The following SRPK1 variants were observed in gnomAD, a reference collection of about 807,000 sequenced individuals.
The protein encoded by SRPK1 is SFRS protein kinase 1.
Under a neutral mutation model 89.5 loss-of-function variants are expected in SRPK1, and 52 were observed. The ratio of observed to expected loss-of-function variants is 0.58; its 90% CI spans 0.46 to 0.73. The LOEUF is 0.73. Among genes scored for constraint, SRPK1 ranks in the 30% least tolerant of loss-of-function variants. The pLI is 0.00. For missense variants in SRPK1, 603 were observed against 780.6 expected (o/e 0.77, Z 2.71); for synonymous variants, 255 against 270.2 (o/e 0.94, Z 0.55).
chr6:35,869,826 C>T lies in SRPK1; in HGVS notation c.1067G>A (p.Cys356Tyr), dbSNP rs1326795786. 6.2e-7 allele frequency: 1 copy of T among 1,611,864 alleles called. No homozygotes were observed. The highest frequency in any genetic ancestry group is 1.7e-5 in the Admixed American group (1 of 59,720). ...ATTAATGACTTCAATCACTCCATTG[C>T]AATTAATTTCTGCTGCACCACCCTC... is the stretch of plus-strand genomic sequence containing the variant. ...DTEGGAAEIN[C>Y]NGVIEVINYT... The change falls in exon 11 of 16, where the codon TGC becomes TAC. Residue 356 changes from cysteine (C) to tyrosine (Y), a missense_variant. Coordinates refer to ENST00000373825, the MANE Select transcript of SRPK1 (RefSeq NM_003137.5).
chr6:35,842,098 C>T (rs1410432258), intron 14 of SRPK1, among the ~76,000 whole-genome samples: 1 of 152,036 alleles, frequency 6.6e-6, no homozygotes, highest in South Asian at 2.1e-4. Flanking sequence ...AAAAAGAATG[C>T]TAAATTTTGG....
At position 35,894,288 on chromosome 6, in the gene SRPK1, G is replaced by A. The variant is rs190877085; in HGVS notation, c.75-3275C>T. On this transcript the variant is annotated intron_variant, in intron 2 of 15. Coordinates refer to ENST00000373825, the MANE Select transcript of SRPK1 (RefSeq NM_003137.5). Reference sequence around the variant, plus strand: ...TGCCGATTTCCATACAGACTATGATGCTCTAGTCTAAAAGATGAGTAAAGT... The same window carrying A: ...TGCCGATTTCCATACAGACTATGATACTCTAGTCTAAAAGATGAGTAAAGT... 2.2e-3 allele frequency among the ~76,000 whole-genome samples: 329 copies of A among 152,258 alleles called. 1 individual carries two copies. The highest frequency in any genetic ancestry group is 7.4e-3 in the African/African-American group (307 of 41,542).
intron 6 of SRPK1, among the ~76,000 whole-genome samples, chr6:35,875,257 T>G (rs6906455): frequency 0.31 from 46,531 of 149,282 alleles, 7,321 homozygotes; most frequent in South Asian, 0.42. Context: ...GAGACTTCTT[T>G]TTTTTTTTTT....
At chr6:35,896,364 G>C (rs1056931473) in intron 2 of SRPK1, among the ~76,000 whole-genome samples, 1 of 152,174 alleles carries the variant, frequency 6.6e-6, no homozygotes, top group African/African-American at 2.4e-5. Flanking sequence ...TGTGGTGTGA[G>C]AGCAGACAAC....
At chr6:35,907,001 A>C (rs1318858921) in intron 2 of SRPK1, among the ~76,000 whole-genome samples, 1 of 152,212 alleles carries the variant, frequency 6.6e-6, no homozygotes, top group Non-Finnish European at 1.5e-5. Flanking sequence ...ACAATTAATA[A>C]ATTAAGAAAT....
chr6:35,869,495 T>C lies in SRPK1; in HGVS notation c.1398A>G (p.Pro466=). 7 of 1,613,230 alleles carry C rather than the reference T, an allele frequency of 4.3e-6. No individual in the cohort carries two copies. The highest frequency in any genetic ancestry group is 5.9e-6 in the Non-Finnish European group (7 of 1,179,230). The change falls in exon 11 of 16, where the codon CCA becomes CCG. Residue 466 remains proline, a synonymous_variant. Coordinates refer to ENST00000373825, the MANE Select transcript of SRPK1 (RefSeq NM_003137.5). The part of the protein sequence containing the change: ...EDEQEQEHNG[P]LDNKGKSTAG... ...CTGCATAGGTACCTTTGTTGTCCAG[T>C]GGTCCGTTATGTTCTTGCTCTTGTT...
chr6:35,915,917 A>C (rs1000303821), intron 2 of SRPK1, among the ~76,000 whole-genome samples: 1 of 148,212 alleles, frequency 6.7e-6, no homozygotes, highest in African/African-American at 2.5e-5. Context: ...GGTTGCAGAG[A>C]GCCGAGATTG....
At chr6:35,904,937 T>G (rs1265566171) in intron 2 of SRPK1, 3 of 428,200 alleles carry the variant, frequency 7.0e-6, no homozygotes, top group Non-Finnish European at 1.4e-5. Context: ...AGGCCAGGAG[T>G]TCAAGACCAG....
chr6:35,855,314 C>A lies in SRPK1; in HGVS notation c.1620+1947G>T, dbSNP rs546327475. ...AAGACTCCATCTCAGAAAAAAAAAA[C>A]AAACAAAAACCCAATAATATGCCAC... On this transcript the variant is annotated intron_variant, in intron 13 of 15. Transcript: ENST00000373825. 7.9e-3 allele frequency among the ~76,000 whole-genome samples: 1,192 copies of A among 151,184 alleles called. 10 individuals carry two copies. The highest frequency in any genetic ancestry group is 0.013 in the Non-Finnish European group (871 of 67,680).
chr6:35,855,664 A>G (rs1472995877), intron 13 of SRPK1, among the ~76,000 whole-genome samples: 1 of 152,150 alleles, frequency 6.6e-6, no homozygotes, highest in African/African-American at 2.4e-5. Context: ...TCCAAGTGCT[A>G]GGTGTCTTTA....
intron 2 of SRPK1, among the ~76,000 whole-genome samples, chr6:35,919,325 T>C (rs1234276119): frequency 2.6e-5 from 4 of 152,158 alleles, no homozygotes; most frequent in African/African-American, 9.7e-5. Flanking sequence ...AGTCATTATG[T>C]GCTCTCCCCA....
intron 6 of SRPK1, among the ~76,000 whole-genome samples, chr6:35,882,088 GTAGTAGTAGTAGCAA>G (rs1171927633): frequency 4.1e-5 from 6 of 147,608 alleles, no homozygotes; most frequent in Non-Finnish European, 7.5e-5. Context: ...AGTAGTAGCA[GTAGTAGTAGTAGCAA>G]TAGTAGTAGT....
intron 2 of SRPK1, among the ~76,000 whole-genome samples, chr6:35,907,759 T>C (rs1168177100): frequency 6.6e-6 from 1 of 152,020 alleles, no homozygotes; most frequent in East Asian, 1.9e-4. Flanking sequence ...AACACATGAA[T>C]AACAAGAAAG....
intron 7 of SRPK1, 79 bp from the exon 8 acceptor site, chr6:35,872,807 T>TAG: frequency 1.0e-6 from 1 of 993,304 alleles, no homozygotes; most frequent in African/African-American, 1.8e-5. Flanking sequence ...AACATGACAT[T>TAG]AAAAAAAAAA....
chr6:35,908,636 T>C (rs564799381), intron 2 of SRPK1, among the ~76,000 whole-genome samples: 1 of 152,260 alleles, frequency 6.6e-6, no homozygotes, highest in East Asian at 1.9e-4. Flanking sequence ...AAACAAAGAA[T>C]AAAAGTTTGG....
intron 2 of SRPK1, among the ~76,000 whole-genome samples, chr6:35,900,638 C>G (rs986743993): frequency 1.3e-5 from 2 of 152,122 alleles, no homozygotes; most frequent in African/African-American, 4.8e-5. Flanking sequence ...CAATGTCAGG[C>G]TATGAAGAGA....
intron 6 of SRPK1, among the ~76,000 whole-genome samples, chr6:35,880,738 A>AAAAAAAAAAAAAAAAG (rs1554152646): frequency 5.3e-5 from 1 of 18,816 alleles, no homozygotes; most frequent in Non-Finnish European, 8.4e-5. Flanking sequence ...AAAAAAAGAA[A>AAAAAAAAAAAAAAAAG]AAAAAAAAAA....
chr6:35,892,687 A>AACAACG (rs1463077189), intron 2 of SRPK1, among the ~76,000 whole-genome samples: 2 of 126,520 alleles, frequency 1.6e-5, no homozygotes, highest in African/African-American at 3.4e-5. Context: ...CAACAACAAC[A>AACAACG]ACGACAACAA....
chr6:35,840,103 G>A (rs907463422), intron 14 of SRPK1, among the ~76,000 whole-genome samples: 33 of 152,100 alleles, frequency 2.2e-4, no homozygotes, highest in African/African-American at 7.5e-4. Context: ...CACCACACCC[G>A]GGCATAATAC....
Sources: gnomAD v4.1 joint callset for allele counts (sites outside exome capture counted in the v4.1 genomes callset) on GRCh38, gnomAD v4.1.1 for gene constraint, MANE v1.5 for transcripts, NCBI Gene and HGNC (gene_info 2026-07-23, HGNC 2026-07-21) for gene names.